TMEM132C: variants seen among roughly 807,000 people sequenced by gnomAD.
TMEM132C encodes the protein transmembrane protein 132C.
A neutral mutation model predicts 61.4 loss-of-function variants in TMEM132C; 29 were observed. The observed-to-expected ratio is 0.47, with a 90% CI of 0.35 to 0.64. The LOEUF (loss-of-function observed/expected upper bound fraction) is 0.64, where lower values mean the gene tolerates loss of function less well. TMEM132C is among the 30% of genes least tolerant of loss of function. The probability of loss-of-function intolerance (pLI) is 0.00; values close to 1 mark genes in which losing one functional copy is unlikely to be tolerated. For synonymous variants in TMEM132C, 656 were observed against 633.1 expected, an observed-to-expected ratio of 1.04 and a Z score of -0.54; for missense variants, 1,408 against 1,476.9, an observed-to-expected ratio of 0.95 and a Z score of 0.76.
At chr12:128,536,678 C>T (rs989299679) in intron 2 of TMEM132C, among the ~76,000 whole-genome samples, 3 of 152,166 alleles carry the variant, frequency 2.0e-5, no homozygotes. Flanking sequence ...TCACATTCAT[C>T]AGCTATGTCT....
intron 2 of TMEM132C, 85 bp from the exon 3 acceptor site, chr12:128,543,872 A>G (rs1873849789): frequency 6.8e-7 from 1 of 1,471,900 alleles, no homozygotes; most frequent in Non-Finnish European, 9.0e-7. Context: ...CAGAAACTAA[A>G]GGTGACAACT....
At chr12:128,515,882 G>T (rs1000075622) in intron 2 of TMEM132C, among the ~76,000 whole-genome samples, 27 of 151,920 alleles carry the variant, frequency 1.8e-4, no homozygotes, top group African/African-American at 5.1e-4. Flanking sequence ...AAGAAATACA[G>T]CCCAACGTGT....
intron 2 of TMEM132C, among the ~76,000 whole-genome samples, chr12:128,443,631 GTC>G (rs1232563070): frequency 6.6e-6 from 1 of 152,212 alleles, no homozygotes; most frequent in Admixed American, 6.5e-5. Flanking sequence ...GTATTTTAAA[GTC>G]TCTCTCTGGA....
chr12:128,369,743 A>G (rs1019155432), intron 1 of TMEM132C, among the ~76,000 whole-genome samples: 1 of 152,232 alleles, frequency 6.6e-6, no homozygotes, highest in Non-Finnish European at 1.5e-5. Context: ...GTTCTCACCC[A>G]AAACCTAAGG....
At chr12:128,350,772 C>T (rs79382167) in intron 1 of TMEM132C, among the ~76,000 whole-genome samples, 3,215 of 152,140 alleles carry the variant, frequency 0.021, 95 homozygotes, top group African/African-American at 0.066. Flanking sequence ...CCCAGAATAA[C>T]GACTGCCCTT....
chr12:128,652,842 A>T (rs1310459688), intron 4 of TMEM132C, among the ~76,000 whole-genome samples: 1 of 152,254 alleles, frequency 6.6e-6, no homozygotes, highest in African/African-American at 2.4e-5. Flanking sequence ...AGTTCACCAG[A>T]GTTAAAGAAA....
At chr12:128,271,570 C>T (rs1870523693) in intron 1 of TMEM132C, among the ~76,000 whole-genome samples, 1 of 152,142 alleles carries the variant, frequency 6.6e-6, no homozygotes, top group African/African-American at 2.4e-5. Context: ...TCAAAAGTGT[C>T]GAGAGTCTGC....
At chr12:128,623,259 G>C (rs1377604018) in intron 4 of TMEM132C, among the ~76,000 whole-genome samples, 2 of 152,134 alleles carry the variant, frequency 1.3e-5, no homozygotes, top group Non-Finnish European at 2.9e-5. Flanking sequence ...TAAAAGGAAA[G>C]TGGGGGACTG....
rs368363778 is a variant in TMEM132C at position 128,706,048 on chromosome 12, G to A, written c.3080G>A (p.Arg1027Lys). 3.0e-5 allele frequency: 47 copies of A among 1,551,712 alleles called. No individual in the cohort carries two copies. The Middle Eastern group carries it at 5.0e-4, about 17-fold the overall frequency. Residue 1027 changes from arginine to lysine, a missense_variant, in exon 9 of 9, where the codon AGG becomes AAG. Coordinates refer to ENST00000435159, the MANE Select transcript of TMEM132C (RefSeq NM_001136103.3). ...SHKHVQSQIH[R>K]SADSGGRQGR... ...AAGCACGTGCAGAGCCAGATTCACAGGTCAGCCGACTCCGGGGGGCGGCAG... is the reference window on the plus strand; with the variant it reads ...AAGCACGTGCAGAGCCAGATTCACAAGTCAGCCGACTCCGGGGGGCGGCAG...
chr12:128,627,285 C>T (rs1954025541), intron 4 of TMEM132C, among the ~76,000 whole-genome samples: 2 of 152,186 alleles, frequency 1.3e-5, no homozygotes, highest in Admixed American at 6.5e-5. Context: ...TATGTTTACT[C>T]CCCTCCCCGC....
chr12:128,291,222 G>A (rs189844377), intron 1 of TMEM132C, among the ~76,000 whole-genome samples: 139 of 152,338 alleles, frequency 9.1e-4, no homozygotes, highest in Non-Finnish European at 9.8e-4. Flanking sequence ...AATATCTATA[G>A]AGGTGTTGCA....
chr12:128,438,437 A>C (rs929337484), intron 2 of TMEM132C, among the ~76,000 whole-genome samples: 3 of 152,060 alleles, frequency 2.0e-5, no homozygotes, highest in African/African-American at 7.2e-5. Flanking sequence ...TTCACCTTCC[A>C]CATGCGTGGA....
At chr12:128,365,612 C>G (rs1481559063) in intron 1 of TMEM132C, among the ~76,000 whole-genome samples, 1 of 152,180 alleles carries the variant, frequency 6.6e-6, no homozygotes, top group Admixed American at 6.5e-5. Context: ...ACTAAAAATG[C>G]CTCCTCGCCT....
intron 5 of TMEM132C, among the ~76,000 whole-genome samples, chr12:128,676,774 T>C (rs939160819): frequency 6.6e-6 from 1 of 152,236 alleles, no homozygotes; most frequent in Non-Finnish European, 1.5e-5. Context: ...CTTATGCATT[T>C]CTGCCTATTC....
At chr12:128,654,423 T>G (rs373095792) in intron 4 of TMEM132C, among the ~76,000 whole-genome samples, 20 of 152,308 alleles carry the variant, frequency 1.3e-4, no homozygotes, top group African/African-American at 3.8e-4. Flanking sequence ...TTCAAAGTTC[T>G]GGCCTCCAGA....
intron 2 of TMEM132C, among the ~76,000 whole-genome samples, chr12:128,507,936 G>A (rs970859784): frequency 8.5e-5 from 13 of 152,218 alleles, no homozygotes; most frequent in South Asian, 6.2e-4. Flanking sequence ...AGCTCTAACC[G>A]GTTTTTTCAC....
chr12:128,267,967 G>T (rs1186896158), intron 1 of TMEM132C, among the ~76,000 whole-genome samples: 1 of 152,208 alleles, frequency 6.6e-6, no homozygotes, highest in African/African-American at 2.4e-5. Context: ...AGGAGGGAAG[G>T]CCCGGTTCTT....
chr12:128,381,648 G>A (rs575750160), intron 1 of TMEM132C, among the ~76,000 whole-genome samples: 2 of 152,272 alleles, frequency 1.3e-5, no homozygotes, highest in African/African-American at 4.8e-5. Flanking sequence ...AGATGCCATC[G>A]GAAGGCACAG....
At position 128,681,612 on chromosome 12, in the gene TMEM132C, T is replaced by C. The variant is rs1954635217; in HGVS notation, c.1449+12052T>C. On this transcript the variant is annotated intron_variant, in intron 5 of 8. Transcript: ENST00000435159. The stretch of plus-strand genomic sequence containing the variant: ...ATACTGATCACAGTCTCTGACAAGT[T>C]GTCCTGTCCTACCATGGCTGCAGAC... Among the ~76,000 whole-genome samples, 2 of 151,954 alleles carry C rather than the reference T, an allele frequency of 1.3e-5. 1 individual carries two copies. The highest frequency in any genetic ancestry group is 4.2e-4 in the South Asian group (2 of 4,818).
Sources: gnomAD v4.1 joint callset for allele counts (sites outside exome capture counted in the v4.1 genomes callset) on GRCh38, gnomAD v4.1.1 for gene constraint, MANE v1.5 for transcripts, NCBI Gene and HGNC (gene_info 2026-07-23, HGNC 2026-07-21) for gene names.